The following KIAA1549L variants were observed in gnomAD, a reference collection of about 807,000 sequenced individuals.
KIAA1549L encodes the protein KIAA1549 like.
A neutral mutation model predicts 160.7 loss-of-function variants in KIAA1549L; 88 were observed. The ratio of observed to expected loss-of-function variants is 0.55; its 90% CI spans 0.46 to 0.65. The LOEUF is 0.65. KIAA1549L is among the 30% of genes least tolerant of loss of function. KIAA1549L has a pLI of 0.00. For missense variants in KIAA1549L, 2,258 were observed against 2,437.5 expected, an observed-to-expected ratio of 0.93 and a Z score of 1.55; for synonymous variants, 950 against 976.7, an observed-to-expected ratio of 0.97 and a Z score of 0.51.
Position 33,646,910 on chromosome 11 carries a change from C to CA in KIAA1549L, c.5760+887dup, listed in dbSNP as rs780356890. Among the ~76,000 whole-genome samples the CA allele has an allele frequency of 5.9e-3, 827 of 141,102 alleles. 1 individual carries two copies. The highest frequency in any genetic ancestry group is 0.013 in the African/African-American group (499 of 38,412). 92.6% of individuals were successfully genotyped at this position (141,102 alleles called of 152,430 possible). ...AATAAACATCATTATTTTTAGAGAC[C>CA]AAAAAAAAAAAAATCTGTTATTTAG... On this transcript the variant is annotated intron_variant, in intron 17 of 20. Coordinates refer to ENST00000658780, the MANE Select transcript of KIAA1549L (RefSeq NM_012194.3).
chr11:33,543,979 A>G lies in KIAA1549L; in HGVS notation c.2416A>G (p.Asn806Asp), dbSNP rs2133179556. The change falls in exon 2 of 21, where the codon AAT becomes GAT. Residue 806 changes from asparagine (N) to aspartate (D), a missense_variant. Physicochemically the swap from Asn to Asp is conservative, Grantham distance 23. Around this residue, in one of 6 missense-constraint regions of KIAA1549L, gnomAD observed 287 missense variants for 292.3 expected, o/e 0.98. Transcript: ENST00000658780. ...CCATATAGACCTCTGGCCCACAAGC[A>G]ATAACAACCATTCCAGAGACTTCCA... ...GSHIDLWPTS[N>D]NNHSRDFQTA... 2.5e-6 allele frequency: 4 copies of G among 1,614,048 alleles called. 1 individual carries two copies. Among genetic ancestry groups the G allele is most frequent in the Middle Eastern group, 1.6e-4 (1 of 6,062 alleles).
At chr11:33,657,666 A>T (rs1590453808) in intron 18 of KIAA1549L, among the ~76,000 whole-genome samples, 1 of 152,154 alleles carries the variant, frequency 6.6e-6, no homozygotes, top group East Asian at 1.9e-4. Context: ...GCGTACTGGC[A>T]TGCACCTATA....
intron 1 of KIAA1549L, among the ~76,000 whole-genome samples, chr11:33,410,891 A>G (rs953624086): frequency 1.3e-5 from 2 of 152,252 alleles, no homozygotes; most frequent in Admixed American, 1.3e-4. Context: ...GGAGGAAGAC[A>G]GTTTCAAGAA....
chr11:33,613,713 G>A (rs1850706687), intron 15 of KIAA1549L, among the ~76,000 whole-genome samples: 1 of 152,104 alleles, frequency 6.6e-6, no homozygotes, highest in African/African-American at 2.4e-5. Context: ...TGAGATATGG[G>A]TGGAGACAAA....
At chr11:33,552,692 AC>A in intron 6 of KIAA1549L, among the ~76,000 whole-genome samples, 1 of 148,334 alleles carries the variant, frequency 6.7e-6, no homozygotes, top group Non-Finnish European at 1.5e-5. Flanking sequence ...ACACACACAC[AC>A]ACACACACAC....
chr11:33,511,826 C>T (rs1185704197), intron 1 of KIAA1549L, among the ~76,000 whole-genome samples: 2 of 152,210 alleles, frequency 1.3e-5, no homozygotes, highest in African/African-American at 2.4e-5. Context: ...TGGACTTTAG[C>T]TTTCCCACCT....
chr11:33,522,130 CAT>C (rs774496977), intron 1 of KIAA1549L, among the ~76,000 whole-genome samples: 4 of 152,018 alleles, frequency 2.6e-5, no homozygotes, highest in African/African-American at 9.7e-5. Flanking sequence ...TTGCTATAAA[CAT>C]ATTGTTATCT....
chr11:33,537,765 A>G (rs143910285), intron 1 of KIAA1549L, among the ~76,000 whole-genome samples: 19 of 152,348 alleles, frequency 1.2e-4, no homozygotes, highest in African/African-American at 3.8e-4. Context: ...AATACCTGCT[A>G]TAACAGTGAA....
chr11:33,573,132 CT>C (rs566340478), intron 9 of KIAA1549L, among the ~76,000 whole-genome samples: 45 of 152,210 alleles, frequency 3.0e-4, no homozygotes, highest in African/African-American at 1.1e-3. Context: ...GTAATAATAT[CT>C]TTTTTAATTG....
At chr11:33,414,688 T>C (rs1038301359) in intron 1 of KIAA1549L, among the ~76,000 whole-genome samples, 14 of 152,252 alleles carry the variant, frequency 9.2e-5, no homozygotes, top group African/African-American at 3.4e-4. Flanking sequence ...CAAGCGACCT[T>C]TCCCAATTTG....
intron 1 of KIAA1549L, among the ~76,000 whole-genome samples, chr11:33,492,311 T>C (rs949733914): frequency 6.6e-6 from 1 of 152,070 alleles, no homozygotes; most frequent in African/African-American, 2.4e-5. Context: ...AGGTTGCAGT[T>C]AGCTGAGATC....
chr11:33,397,436 C>T (rs1221976281), intron 1 of KIAA1549L, among the ~76,000 whole-genome samples: 3 of 151,106 alleles, frequency 2.0e-5, no homozygotes, highest in South Asian at 2.1e-4. Context: ...TTAGGCTGGG[C>T]GCGGTGGCTC....
intron 1 of KIAA1549L, among the ~76,000 whole-genome samples, chr11:33,494,809 C>T (rs1852776700): frequency 6.6e-6 from 1 of 152,164 alleles, no homozygotes; most frequent in Admixed American, 6.6e-5. Flanking sequence ...AACAGAGGTG[C>T]AGAGGTGTCT....
chr11:33,543,104 A>G lies in KIAA1549L; in HGVS notation c.1541A>G (p.His514Arg), dbSNP rs917517583. ...ILTFLQPTEN[H>R]ASPSPVPEMP... ...ACTTTCCTCCAGCCCACAGAGAATC[A>G]TGCCTCCCCATCTCCTGTGCCAGAA... The change falls in exon 2 of 21, where the codon CAT (histidine) becomes CGT (arginine). Residue 514 changes from histidine (H) to arginine (R), a missense_variant. Physicochemically the swap from His to Arg is conservative, Grantham distance 29. Transcript: ENST00000658780. 6.2e-7 allele frequency: 1 copy of G among 1,613,876 alleles called. No homozygotes were observed. The highest frequency in any genetic ancestry group is 1.7e-5 in the Admixed American group (1 of 60,024).
chr11:33,609,506 T>G (rs1209964321), intron 14 of KIAA1549L, among the ~76,000 whole-genome samples: 1 of 152,172 alleles, frequency 6.6e-6, no homozygotes, highest in Non-Finnish European at 1.5e-5. Flanking sequence ...CAGGACAGAC[T>G]AGGGAGAAGG....
chr11:33,408,904 T>G (rs547873161), intron 1 of KIAA1549L, among the ~76,000 whole-genome samples: 2 of 146,122 alleles, frequency 1.4e-5, no homozygotes, highest in African/African-American at 5.0e-5. Flanking sequence ...GAGCCAAGAT[T>G]TTGCCACTGC....
chr11:33,606,163 C>T (rs1426467891), intron 13 of KIAA1549L, among the ~76,000 whole-genome samples: 1 of 152,108 alleles, frequency 6.6e-6, no homozygotes, highest in Non-Finnish European at 1.5e-5. Flanking sequence ...ATAACTGTGG[C>T]TTGTTGACCA....
At position 33,545,017 on chromosome 11, in the gene KIAA1549L, A is replaced by G; in HGVS notation, c.3024A>G (p.Pro1008=). The G allele has an allele frequency of 6.2e-7, 1 of 1,613,972 alleles. No individual in the cohort carries two copies. Among genetic ancestry groups the G allele is most frequent in the Non-Finnish European group, 8.5e-7 (1 of 1,179,882 alleles). ...GAVHTAFPFT[P]TYMYARTGHT... ...TCCATACAGCCTTCCCATTCACACC[A>G]ACCTACATGTATGCAAGAACAGGAC... Residue 1008 remains proline (P), a synonymous_variant, in exon 3 of 21, where the codon CCA becomes CCG. Coordinates refer to ENST00000658780, the MANE Select transcript of KIAA1549L (RefSeq NM_012194.3).
chr11:33,591,359 A>C lies in KIAA1549L; in HGVS notation c.4689A>C (p.Glu1563Asp), dbSNP rs763476898. The change falls in exon 12 of 21, where the codon GAA (glutamate) becomes GAC (aspartate). Residue 1563 changes from glutamate (E) to aspartate (D), a missense_variant. This residue lies in a region of KIAA1549L where 1,359 missense variants were observed against 1,546.6 expected (regional missense o/e 0.88). Coordinates refer to ENST00000658780, the MANE Select transcript of KIAA1549L (RefSeq NM_012194.3). ...TGCCCATTAGAGATGCTCCTCAGGA[A>C]AGAGACGTCGCTCAGGATGGAAGCA... ...LPLPIRDAPQ[E>D]RDVAQDGSTI... 9 of 1,613,650 alleles carry C rather than the reference A, an allele frequency of 5.6e-6. No homozygotes were observed. The South Asian group carries it at 9.9e-5, about 18-fold the overall frequency.
Sources: gnomAD v4.1 joint callset for allele counts (sites outside exome capture counted in the v4.1 genomes callset) on GRCh38, gnomAD v4.1.1 for gene constraint, gnomAD v4.1.1 regional missense constraint, MANE v1.5 for transcripts, NCBI Gene and HGNC (gene_info 2026-07-23, HGNC 2026-07-21) for gene names.